The following CHIC1 variants were observed in gnomAD, a reference collection of about 807,000 sequenced individuals.
The protein encoded by CHIC1 is cysteine rich hydrophobic domain 1, also known as cysteine-rich hydrophobic domain-containing protein 1.
Under a neutral mutation model 18.5 loss-of-function variants are expected in CHIC1, and 7 were observed. The ratio of observed to expected loss-of-function variants is 0.38; its 90% CI spans 0.22 to 0.71. CHIC1 has a LOEUF of 0.71. Among genes scored for constraint, CHIC1 ranks in the 30% least tolerant of loss-of-function variants. The pLI, the probability that CHIC1 is intolerant of heterozygous loss-of-function variation, is 0.49. For synonymous variants in CHIC1, 77 were observed against 73.5 expected (o/e 1.05, Z -0.25); for missense variants, 159 against 176.9 (o/e 0.90, Z 0.57).
chrX:73,617,193 G>A (rs1235163640), intron 3 of CHIC1, among the ~76,000 whole-genome samples: 5 of 111,598 alleles, frequency 4.5e-5, no homozygotes, highest in African/African-American at 1.3e-4. Context: ...GCAAAATGCC[G>A]CCAGTCTCTT....
At chrX:73,668,761 C>T (rs985647416) in intron 3 of CHIC1, among the ~76,000 whole-genome samples, 1 of 112,116 alleles carries the variant, frequency 8.9e-6, no homozygotes, top group Non-Finnish European at 1.9e-5. Flanking sequence ...TTTTGCCAGC[C>T]TGAACATGTC....
intron 3 of CHIC1, among the ~76,000 whole-genome samples, chrX:73,646,863 A>C (rs909354023): frequency 1.8e-5 from 2 of 109,981 alleles, no homozygotes; most frequent in Non-Finnish European, 3.8e-5. Flanking sequence ...TTATCCATAA[A>C]ATCTTTGACC....
chrX:73,630,394 C>A (rs1457159067), intron 3 of CHIC1, among the ~76,000 whole-genome samples: 1 of 110,859 alleles, frequency 9.0e-6, no homozygotes, highest in Non-Finnish European at 1.9e-5. Flanking sequence ...CATATATGGC[C>A]TTTATTATAT....
chrX:73,590,015 T>G (rs926587777), intron 3 of CHIC1, among the ~76,000 whole-genome samples: 7 of 111,552 alleles, frequency 6.3e-5, no homozygotes, highest in African/African-American at 2.3e-4. Flanking sequence ...AGTCACTTCT[T>G]TCTTACTGCT....
chrX:73,564,009 C>CATG (rs1460266268), intron 1 of CHIC1, among the ~76,000 whole-genome samples: 1 of 112,112 alleles, frequency 8.9e-6, no homozygotes, highest in Admixed American at 9.4e-5. Flanking sequence ...AAAACAGAAA[C>CATG]ATGATATATT....
chrX:73,642,322 G>T (rs1384787944), intron 3 of CHIC1, among the ~76,000 whole-genome samples: 1 of 111,435 alleles, frequency 9.0e-6, no homozygotes, highest in Non-Finnish European at 1.9e-5. Context: ...GTCTTCTTTT[G>T]AGAAGTGTCT....
At chrX:73,654,606 T>C (rs1230665676) in intron 3 of CHIC1, among the ~76,000 whole-genome samples, 1 of 112,153 alleles carries the variant, frequency 8.9e-6, no homozygotes, top group African/African-American at 3.2e-5. Flanking sequence ...GAGGAATTGT[T>C]ATTAGTTCTT....
intron 1 of CHIC1, among the ~76,000 whole-genome samples, chrX:73,565,782 T>A (rs1281217495): frequency 1.8e-5 from 2 of 111,457 alleles, no homozygotes; most frequent in African/African-American, 6.5e-5. Flanking sequence ...AACTTCTGTT[T>A]ATTTTTTTTC....
intron 1 of CHIC1, among the ~76,000 whole-genome samples, chrX:73,573,880 G>A (rs755873878): frequency 9.0e-6 from 1 of 111,026 alleles, no homozygotes; most frequent in African/African-American, 3.3e-5. Context: ...TGCAAAAAGA[G>A]ATAGTTTGAC....
intron 3 of CHIC1, among the ~76,000 whole-genome samples, chrX:73,590,905 T>G (rs2057578460): frequency 9.0e-6 from 1 of 111,708 alleles, no homozygotes; most frequent in African/African-American, 3.2e-5. Flanking sequence ...TAAATAAGAC[T>G]GTTATAAACA....
chrX:73,603,137 A>G (rs1490308087), intron 3 of CHIC1, among the ~76,000 whole-genome samples: 4 of 108,251 alleles, frequency 3.7e-5, no homozygotes, highest in Admixed American at 1.9e-4. Flanking sequence ...GATTCTTCCT[A>G]TTTATGAGCA....
chrX:73,649,696 C>A (rs912320399), intron 3 of CHIC1, among the ~76,000 whole-genome samples: 1 of 111,945 alleles, frequency 8.9e-6, no homozygotes, highest in Non-Finnish European at 1.9e-5. Flanking sequence ...AAAACAAGTT[C>A]TTAGAGACCT....
intron 3 of CHIC1, among the ~76,000 whole-genome samples, chrX:73,626,676 C>T (rs2057784900): frequency 9.0e-6 from 1 of 110,851 alleles, no homozygotes; most frequent in Admixed American, 9.7e-5. Context: ...TTAAATTTAT[C>T]CGATAGAATT....
At chrX:73,675,144 T>A (rs1359584509) in intron 3 of CHIC1, among the ~76,000 whole-genome samples, 1 of 111,713 alleles carries the variant, frequency 9.0e-6, no homozygotes, top group Non-Finnish European at 1.9e-5. Context: ...TGAGGAGTGC[T>A]TTACTTCCGT....
In CHIC1 at chrX:73,683,577, G is replaced by A. The variant is rs1238519931; in HGVS notation, c.*2572G>A. The A allele has an allele frequency of 9.0e-6, 1 of 111,566 alleles. No individual in the cohort carries two copies. Among genetic ancestry groups the A allele is most frequent in the African/African-American group, 3.2e-5 (1 of 30,835 alleles). 9.2% of individuals were successfully genotyped at this position (111,566 alleles called of 1,213,427 possible). A position where few individuals can be genotyped will look rare whatever the true frequency, so the allele number is the denominator to read the frequency against. Reference sequence around the variant, plus strand: ...TCCATTAGGTTAGTAACATACTTTTGTGAAAGTTGTTTTTAGACTGAAGAA... The same window carrying A: ...TCCATTAGGTTAGTAACATACTTTTATGAAAGTTGTTTTTAGACTGAAGAA... On this transcript the variant is annotated 3_prime_UTR_variant, in exon 6 of 6. Coordinates refer to ENST00000373502, the MANE Select transcript of CHIC1 (RefSeq NM_001039840.4).
intron 3 of CHIC1, among the ~76,000 whole-genome samples, chrX:73,626,263 A>G (rs1176523041): frequency 9.0e-6 from 1 of 111,603 alleles, no homozygotes; most frequent in African/African-American, 3.3e-5. Flanking sequence ...TGATTATTAA[A>G]TGTCTTGAGG....
In CHIC1 at chrX:73,679,700, A is replaced by G. The variant is rs777053866; in HGVS notation, c.611A>G (p.Asn204Ser). The G allele has an allele frequency of 6.4e-5, 70 of 1,090,088 alleles. No homozygotes were observed. In the Admixed American group the frequency reaches 1.8e-3, roughly 27 times the overall value. The allele number at this position is 1,090,088 out of a possible 1,213,427, so 89.8% of individuals were successfully genotyped here. ...ACTAAGAGGAAATGTGAAACTAGCA[A>G]TATGATGGAGTATGTAAGTATGAGG... The part of the protein sequence containing the change: ...KLTKRKCETS[N>S]MMEYVILIEF... The change falls in exon 5 of 6, where the codon AAT becomes AGT. Residue 204 changes from asparagine (N) to serine (S), a missense_variant. Asn to Ser is a conservative substitution (Grantham distance 46, BLOSUM62 1). Coordinates refer to ENST00000373502, the MANE Select transcript of CHIC1 (RefSeq NM_001039840.4).
intron 3 of CHIC1, among the ~76,000 whole-genome samples, chrX:73,655,451 C>T (rs1227966438): frequency 9.1e-5 from 3 of 32,846 alleles, no homozygotes; most frequent in Non-Finnish European, 1.9e-4. Context: ...TACATATATA[C>T]ACAATATTGT....
At chrX:73,604,439 A>T (rs2057668849) in intron 3 of CHIC1, among the ~76,000 whole-genome samples, 1 of 107,217 alleles carries the variant, frequency 9.3e-6, no homozygotes, top group Admixed American at 9.8e-5. Flanking sequence ...TATTTTGTTA[A>T]TCTTTTCAAA....
Sources: allele counts gnomAD v4.1 joint callset (sites outside exome capture counted in the v4.1 genomes callset), GRCh38; gene constraint gnomAD v4.1.1; transcripts MANE v1.5; gene names NCBI Gene and HGNC (gene_info 2026-07-23, HGNC 2026-07-21).